The following SYNE1 variants were observed in gnomAD, a reference collection of about 807,000 sequenced individuals.
SYNE1 encodes the protein nesprin-1.
A neutral mutation model predicts 1,111.0 loss-of-function variants in SYNE1; 616 were observed. That is an observed-to-expected ratio of 0.55 (90% CI 0.52 to 0.59). The LOEUF is 0.59. Ranked by LOEUF, SYNE1 falls within the 20% of genes least tolerant of loss-of-function variation. The pLI is 0.00. For missense variants in SYNE1, 10,006 were observed against 10,417.0 expected (o/e 0.96, Z 1.72); for synonymous variants, 3,855 against 3,825.8 (o/e 1.01, Z -0.28).
intron 14 of SYNE1, among the ~76,000 whole-genome samples, chr6:152,481,374 T>C (rs930280731): frequency 6.6e-6 from 1 of 152,180 alleles, no homozygotes; most frequent in Admixed American, 6.5e-5. Context: ...TATTTAATTC[T>C]CAATAAATAT....
Position 152,143,714 on chromosome 6 carries a change from T to G in SYNE1, c.25028A>C (p.Asp8343Ala). The G allele has an allele frequency of 6.2e-7, 1 of 1,614,186 alleles. No individual in the cohort carries two copies. The highest frequency in any genetic ancestry group is 8.5e-7 in the Non-Finnish European group (1 of 1,180,038). ...SQIRQLGKAL[D>A]DSRFQIQQTE... is the part of the protein sequence containing the mutation. ...TTGCTGTATCTGAAAACGGCTATCA[T>G]CCAGGGCTTTGCCCAGTTGTCGGAT... Residue 8343 changes from aspartate (D) to alanine (A), a missense_variant, in exon 138 of 146, where the codon GAT becomes GCT. This residue lies in a region of SYNE1 where 761 missense variants were observed against 795.5 expected (regional missense o/e 0.96). Transcript: ENST00000367255.
chr6:152,317,966 C>T, intron 86 of SYNE1, 115 bp downstream of exon 86: 1 of 1,383,174 alleles, frequency 7.2e-7, no homozygotes, highest in East Asian at 2.3e-5. Flanking sequence ...ACCTAAACTA[C>T]TCTCTCATTG....
At chr6:152,530,321 C>A (rs376398060) in intron 4 of SYNE1, among the ~76,000 whole-genome samples, 1 of 152,130 alleles carries the variant, frequency 6.6e-6, no homozygotes, top group Non-Finnish European at 1.5e-5. Flanking sequence ...GCACAACTGA[C>A]GTGTCTAATT....
Position 152,483,245 on chromosome 6 carries a change from A to G in SYNE1, c.1190T>C (p.Phe397Ser). ...QSWDRVTSRL[F>S]DWHIQLDKSL... ...TTTATCAAGCTGTATATGCCAGTCA[A>G]AGAGCTAAAATTTAAAAAGCAGAAA... The change falls in exon 14 of 146, where the codon TTT (phenylalanine) becomes TCT (serine). Residue 397 changes from phenylalanine (F) to serine (S), a missense_variant. This residue lies in a region of SYNE1 where 1,971 missense variants were observed against 2,084.1 expected (regional missense o/e 0.95). Coordinates refer to ENST00000367255, the MANE Select transcript of SYNE1 (RefSeq NM_182961.4). 6.2e-7 allele frequency: 1 copy of G among 1,614,090 alleles called. No homozygotes were observed. Among genetic ancestry groups the G allele is most frequent in the Non-Finnish European group, 8.5e-7 (1 of 1,179,954 alleles).
At chr6:152,416,288 A>C in intron 41 of SYNE1, 99 bp downstream of exon 41, 2 of 1,551,986 alleles carry the variant, frequency 1.3e-6, no homozygotes, top group Non-Finnish European at 1.8e-6. Context: ...CTGAGTTTTT[A>C]TTTTCCTTGA....
At chr6:152,399,403 C>T (rs2097779303) in intron 48 of SYNE1, among the ~76,000 whole-genome samples, 1 of 152,132 alleles carries the variant, frequency 6.6e-6, no homozygotes, top group Non-Finnish European at 1.5e-5. Context: ...CTCTTGCTTT[C>T]TTGGGAAAAA....
chr6:152,412,851 A>ATTTTTTTTTTTTTTTT (rs373723820), intron 42 of SYNE1, among the ~76,000 whole-genome samples: 3 of 131,674 alleles, frequency 2.3e-5, no homozygotes, highest in Non-Finnish European at 4.8e-5. Flanking sequence ...TTCACATGTA[A>ATTTTTTTTTTTTTTTT]TTTTTTTTTT....
chr6:152,201,687 G>T (rs2075480847), intron 127 of SYNE1, 137 bp downstream of exon 127: 6 of 1,265,160 alleles, frequency 4.7e-6, no homozygotes, highest in Non-Finnish European at 6.9e-6. Flanking sequence ...TTTCACCTGA[G>T]TTGCCTGTCC....
intron 32 of SYNE1, among the ~76,000 whole-genome samples, chr6:152,438,562 T>C (rs1289661469): frequency 2.6e-5 from 4 of 152,188 alleles, no homozygotes; most frequent in African/African-American, 9.7e-5. Context: ...TCACATTAGA[T>C]TGATCTGGGA....
chr6:152,295,387 A>C (rs1272145873), intron 93 of SYNE1, among the ~76,000 whole-genome samples: 3 of 152,090 alleles, frequency 2.0e-5, no homozygotes, highest in East Asian at 3.9e-4. Flanking sequence ...TCATGTCCTT[A>C]ATAGCTTTAG....
intron 93 of SYNE1, among the ~76,000 whole-genome samples, chr6:152,299,417 T>C (rs1207158595): frequency 6.6e-6 from 1 of 152,226 alleles, no homozygotes; most frequent in African/African-American, 2.4e-5. Context: ...ACTTCTCCTT[T>C]TATGTTGCTG....
chr6:152,438,897 A>G (rs1207597538), intron 32 of SYNE1, among the ~76,000 whole-genome samples: 1 of 152,202 alleles, frequency 6.6e-6, no homozygotes, highest in African/African-American at 2.4e-5. Flanking sequence ...TTTGAATGAA[A>G]AAATAACGTA....
intron 105 of SYNE1, among the ~76,000 whole-genome samples, chr6:152,247,214 TTGAG>T (rs1267500498): frequency 6.6e-6 from 1 of 152,278 alleles, no homozygotes; most frequent in East Asian, 1.9e-4. Flanking sequence ...GATGACTATA[TTGAG>T]TGAGGTGTGT....
chr6:152,606,709 A>G (rs372289323), intron 3 of SYNE1, among the ~76,000 whole-genome samples: 7 of 151,866 alleles, frequency 4.6e-5, no homozygotes, highest in South Asian at 2.1e-4. Context: ...ATGCAGTGGC[A>G]CGATCTCGGC....
At chr6:152,125,166 T>G (rs2052919726) in intron 145 of SYNE1, 8 of 1,407,960 alleles carry the variant, frequency 5.7e-6, no homozygotes, top group Non-Finnish European at 7.6e-6. Flanking sequence ...GGACTCAGGC[T>G]TCCAAAATCC....
intron 87 of SYNE1, 109 bp downstream of exon 87, chr6:152,316,739 TG>T: frequency 7.7e-7 from 1 of 1,291,170 alleles, no homozygotes; most frequent in Non-Finnish European, 1.1e-6. Flanking sequence ...TCTTTTTATC[TG>T]GTAGCTCCAA....
intron 3 of SYNE1, among the ~76,000 whole-genome samples, chr6:152,602,330 A>C (rs860173): frequency 0.74 from 112,010 of 151,918 alleles, 41,570 homozygotes; most frequent in African/African-American, 0.78. Context: ...CATAGGAAGA[A>C]AATATGAAGA....
intron 62 of SYNE1, 141 bp downstream of exon 62, chr6:152,367,077 G>A: frequency 9.6e-7 from 1 of 1,036,942 alleles, no homozygotes; most frequent in South Asian, 1.3e-5. Flanking sequence ...TGCACCCAAG[G>A]CAGACAGCGT....
chr6:152,156,438 A>G (rs1195280304), intron 131 of SYNE1, among the ~76,000 whole-genome samples: 1 of 152,122 alleles, frequency 6.6e-6, no homozygotes, highest in African/African-American at 2.4e-5. Flanking sequence ...CAATCAATCA[A>G]TCATCATCTC....
Sources: allele counts gnomAD v4.1 joint callset (sites outside exome capture counted in the v4.1 genomes callset), GRCh38; gene constraint gnomAD v4.1.1; regional missense constraint gnomAD v4.1.1; transcripts MANE v1.5; gene names NCBI Gene and HGNC (gene_info 2026-07-23, HGNC 2026-07-21).